The following SLC35F1 variants were observed in gnomAD, a reference collection of about 807,000 sequenced individuals.
SLC35F1 encodes the protein chromosome 6 open reading frame 169.
Under a neutral mutation model 48.7 loss-of-function variants are expected in SLC35F1, and 14 were observed. That is an observed-to-expected ratio of 0.29 (90% confidence interval 0.19 to 0.45). SLC35F1 has a LOEUF of 0.45. Among genes scored for constraint, SLC35F1 ranks in the 20% least tolerant of loss-of-function variants. SLC35F1 has a pLI of 1.00. For missense variants in SLC35F1, 404 were observed against 500.0 expected (o/e 0.81, Z 1.83); for synonymous variants, 190 against 202.2 (o/e 0.94, Z 0.51).
At chr6:117,960,716 G>A (rs886384343) in intron 1 of SLC35F1, among the ~76,000 whole-genome samples, 3 of 152,148 alleles carry the variant, frequency 2.0e-5, no homozygotes, top group East Asian at 3.9e-4. Flanking sequence ...ATCAAGTGAT[G>A]CTTGATAGAG....
rs9401036 is a variant in SLC35F1 at position 117,923,710 on chromosome 6, C to T, written c.173+15811C>T. On this transcript the variant is annotated intron_variant, in intron 1 of 7. Transcript: ENST00000360388. ...ACATATGTACATATACATATATGTA[C>T]ATATATACATATATACATATGTATA... 1.5e-3 allele frequency among the ~76,000 whole-genome samples: 34 copies of T among 22,558 alleles called. 8 individuals are homozygous for T. Among genetic ancestry groups the T allele is most frequent in the African/African-American group, 6.9e-3 (31 of 4,468 alleles). The allele number at this position is 22,558 out of a possible 152,430, so 14.8% of individuals were successfully genotyped here.
At chr6:118,127,634 C>A (rs1304695478) in intron 1 of SLC35F1, among the ~76,000 whole-genome samples, 1 of 151,846 alleles carries the variant, frequency 6.6e-6, no homozygotes, top group Non-Finnish European at 1.5e-5. Flanking sequence ...TGGATCCCTT[C>A]CTTACACCTT....
At chr6:118,159,774 A>T (rs1471762269) in intron 2 of SLC35F1, among the ~76,000 whole-genome samples, 2 of 152,240 alleles carry the variant, frequency 1.3e-5, no homozygotes, top group African/African-American at 4.8e-5. Context: ...AACATGTATC[A>T]TCTAACTTTT....
Position 118,100,734 on chromosome 6 carries a change from C to T in SLC35F1, c.174-53711C>T, listed in dbSNP as rs115810097. Among the ~76,000 whole-genome samples, 924 of 152,214 alleles carry T rather than the reference C, an allele frequency of 6.1e-3. 11 individuals carry two copies. The highest frequency in any genetic ancestry group is 0.021 in the African/African-American group (861 of 41,518). On this transcript the variant is annotated intron_variant, in intron 1 of 7. Coordinates refer to ENST00000360388, the MANE Select transcript of SLC35F1 (RefSeq NM_001029858.4). ...TTTTATTAATGTTGCTTAATGTAGG[C>T]GTGCTGGATTGAATCATTGGCAATG...
chr6:118,181,111 G>A (rs1291404416), intron 2 of SLC35F1, among the ~76,000 whole-genome samples: 1 of 152,048 alleles, frequency 6.6e-6, no homozygotes, highest in East Asian at 1.9e-4. Flanking sequence ...ATAAATAAAA[G>A]TAGAGTTTCC....
chr6:118,257,985 C>A (rs1401752679), intron 3 of SLC35F1, among the ~76,000 whole-genome samples: 1 of 152,068 alleles, frequency 6.6e-6, no homozygotes, highest in Non-Finnish European at 1.5e-5. Flanking sequence ...CCATAATGTA[C>A]TAACTTTATT....
chr6:118,024,572 A>G (rs9374700), intron 1 of SLC35F1, among the ~76,000 whole-genome samples: 102,075 of 152,062 alleles, frequency 0.67, 36,010 homozygotes, highest in South Asian at 0.82. Context: ...GTCTTCAGTC[A>G]TATTTTATTT....
intron 2 of SLC35F1, among the ~76,000 whole-genome samples, chr6:118,198,510 A>G (rs987544800): frequency 1.3e-5 from 2 of 152,228 alleles, no homozygotes; most frequent in African/African-American, 4.8e-5. Flanking sequence ...AAGGTAAAAA[A>G]TATTCTTATT....
chr6:117,973,897 T>C (rs1367424548), intron 1 of SLC35F1, among the ~76,000 whole-genome samples: 1 of 152,224 alleles, frequency 6.6e-6, no homozygotes, highest in African/African-American at 2.4e-5. Context: ...CTCAAAGTTA[T>C]GGTTTCTTCC....
chr6:118,056,878 A>G (rs1280615896), intron 1 of SLC35F1, among the ~76,000 whole-genome samples: 1 of 152,190 alleles, frequency 6.6e-6, no homozygotes, highest in African/African-American at 2.4e-5. Flanking sequence ...AAGGTTAAGA[A>G]TGATTTGTCC....
At chr6:118,171,893 A>G (rs1774409990) in intron 2 of SLC35F1, among the ~76,000 whole-genome samples, 1 of 152,198 alleles carries the variant, frequency 6.6e-6, no homozygotes, top group Admixed American at 6.5e-5. Flanking sequence ...GTGCAAAAAA[A>G]GGGAAAACAA....
intron 1 of SLC35F1, among the ~76,000 whole-genome samples, chr6:118,119,600 T>C (rs1773526945): frequency 6.7e-6 from 1 of 148,576 alleles, no homozygotes; most frequent in Non-Finnish European, 1.5e-5. Flanking sequence ...GCCTTCTGGG[T>C]TCAAGCGATT....
At chr6:118,112,078 ATTTC>A (rs1213975319) in intron 1 of SLC35F1, among the ~76,000 whole-genome samples, 18 of 132,496 alleles carry the variant, frequency 1.4e-4, no homozygotes, top group African/African-American at 5.3e-4. Flanking sequence ...CTTTTTCTTT[ATTTC>A]TTTCTTTTCT....
At chr6:118,251,857 G>A (rs1056415044) in intron 3 of SLC35F1, among the ~76,000 whole-genome samples, 16 of 152,106 alleles carry the variant, frequency 1.1e-4, no homozygotes, top group African/African-American at 3.9e-4. Context: ...GCATGAAGAA[G>A]ACTGTTCTTA....
At chr6:117,912,937 A>ATCT (rs1165659156) in intron 1 of SLC35F1, among the ~76,000 whole-genome samples, 1 of 152,224 alleles carries the variant, frequency 6.6e-6, no homozygotes, top group Non-Finnish European at 1.5e-5. Context: ...TCTTAGGGGC[A>ATCT]TCTTAACTGA....
chr6:118,010,276 A>G (rs941774686), intron 1 of SLC35F1, among the ~76,000 whole-genome samples: 1 of 152,158 alleles, frequency 6.6e-6, no homozygotes, highest in Non-Finnish European at 1.5e-5. Context: ...TCCATTTAAG[A>G]GCCTCTAATT....
chr6:118,198,177 A>C (rs1431182739), intron 2 of SLC35F1, among the ~76,000 whole-genome samples: 1 of 152,210 alleles, frequency 6.6e-6, no homozygotes, highest in Admixed American at 6.5e-5. Context: ...CAATCTGTGA[A>C]GGTAAACATG....
At chr6:118,089,814 A>G (rs1159896415) in intron 1 of SLC35F1, among the ~76,000 whole-genome samples, 1 of 152,228 alleles carries the variant, frequency 6.6e-6, no homozygotes, top group Admixed American at 6.5e-5. Context: ...CCAGATAATC[A>G]TCAGCCTCCA....
At chr6:118,022,337 A>G (rs1039256161) in intron 1 of SLC35F1, among the ~76,000 whole-genome samples, 24 of 152,342 alleles carry the variant, frequency 1.6e-4, no homozygotes, top group African/African-American at 5.8e-4. Flanking sequence ...TGATGAACAC[A>G]TGTGAACAGA....
Sources: gnomAD v4.1 joint callset for allele counts (sites outside exome capture counted in the v4.1 genomes callset) on GRCh38, gnomAD v4.1.1 for gene constraint, MANE v1.5 for transcripts, NCBI Gene and HGNC (gene_info 2026-07-23, HGNC 2026-07-21) for gene names.